SOX5: variants seen among roughly 807,000 people sequenced by gnomAD.
SOX5 encodes the protein transcription factor SOX-5.
A neutral mutation model predicts 92.0 loss-of-function variants in SOX5; 9 were observed. That is an observed-to-expected ratio of 0.10 (90% CI 0.06 to 0.17). SOX5 has a LOEUF of 0.17. Ranked by LOEUF, SOX5 falls within the 10% of genes least tolerant of loss-of-function variation. The pLI is 1.00. For missense variants in SOX5, 642 were observed against 944.5 expected (o/e 0.68, Z 4.20); for synonymous variants, 344 against 336.3 (o/e 1.02, Z -0.25).
chr12:24,476,892 G>A (rs149812992), intron 1 of SOX5, among the ~76,000 whole-genome samples: 71 of 150,692 alleles, frequency 4.7e-4, no homozygotes, highest in African/African-American at 1.1e-3. Context: ...GCTGAGCATC[G>A]TGGTTCACAC....
chr12:24,031,113 C>A (rs1955456981), intron 4 of SOX5, among the ~76,000 whole-genome samples: 1 of 151,208 alleles, frequency 6.6e-6, no homozygotes, highest in Admixed American at 6.6e-5. Flanking sequence ...ATTGGAACAG[C>A]CATTATGGAA....
intron 4 of SOX5, among the ~76,000 whole-genome samples, chr12:24,157,842 G>A (rs1283360433): frequency 6.6e-6 from 1 of 152,020 alleles, no homozygotes; most frequent in African/African-American, 2.4e-5. Flanking sequence ...CGCCGCACAT[G>A]GGCTTCTGCC....
chr12:23,657,354 A>T lies in SOX5; in HGVS notation c.931+8090T>A, dbSNP rs189632075. 3.9e-5 allele frequency among the ~76,000 whole-genome samples: 6 copies of T among 152,292 alleles called. No individual in the cohort carries two copies. In the East Asian group the frequency reaches 1.2e-3, roughly 29 times the overall value. On this transcript the variant is annotated intron_variant, in intron 7 of 14. Transcript: ENST00000451604. Reference sequence around the variant, plus strand: ...AGCAGCTAAACCTGTATCCAAATTAATGCAGCATCCTATTCCACATGACAT... The same window carrying T: ...AGCAGCTAAACCTGTATCCAAATTATTGCAGCATCCTATTCCACATGACAT...
At chr12:24,032,712 G>T (rs892152159) in intron 4 of SOX5, among the ~76,000 whole-genome samples, 1 of 151,828 alleles carries the variant, frequency 6.6e-6, no homozygotes, top group Non-Finnish European at 1.5e-5. Context: ...GGAAATATAA[G>T]TGAAAGAGAA....
At chr12:24,188,548 T>C (rs1956228992) in intron 4 of SOX5, among the ~76,000 whole-genome samples, 1 of 152,076 alleles carries the variant, frequency 6.6e-6, no homozygotes, top group African/African-American at 2.4e-5. Flanking sequence ...TGTAGAAATA[T>C]GGACAATAGT....
At chr12:24,206,388 C>G (rs1309263636) in intron 4 of SOX5, among the ~76,000 whole-genome samples, 3 of 152,170 alleles carry the variant, frequency 2.0e-5, no homozygotes, top group Non-Finnish European at 4.4e-5. Context: ...GGCAGTTTGA[C>G]TCCTATTCCT....
chr12:23,551,713 C>T (rs1358817845), intron 11 of SOX5, among the ~76,000 whole-genome samples: 1 of 151,730 alleles, frequency 6.6e-6, no homozygotes, highest in Non-Finnish European at 1.5e-5. Context: ...GAGATATGAA[C>T]TCAGGGGATG....
chr12:23,817,556 G>C (rs993364617), intron 3 of SOX5, among the ~76,000 whole-genome samples: 1 of 152,198 alleles, frequency 6.6e-6, no homozygotes, highest in Non-Finnish European at 1.5e-5. Context: ...GCGTCATAGA[G>C]AGATAGATCC....
At chr12:24,038,728 T>G (rs937993705) in intron 4 of SOX5, among the ~76,000 whole-genome samples, 5 of 152,176 alleles carry the variant, frequency 3.3e-5, no homozygotes, top group African/African-American at 1.2e-4. Context: ...CCCTTTCAAC[T>G]TCGTATTATT....
intron 1 of SOX5, among the ~76,000 whole-genome samples, chr12:24,471,208 C>T (rs1225292737): frequency 6.6e-6 from 1 of 152,100 alleles, no homozygotes; most frequent in Non-Finnish European, 1.5e-5. Context: ...GTATCCCCTT[C>T]TTTCCTTTTA....
At chr12:24,056,899 C>T (rs1298143534) in intron 4 of SOX5, among the ~76,000 whole-genome samples, 4 of 137,186 alleles carry the variant, frequency 2.9e-5, no homozygotes, top group South Asian at 2.4e-4. Context: ...GGCGTGAACC[C>T]GGGAGGCGGA....
intron 4 of SOX5, among the ~76,000 whole-genome samples, chr12:24,166,990 A>G (rs534819657): frequency 9.8e-5 from 15 of 152,348 alleles, no homozygotes; most frequent in Admixed American, 7.8e-4. Flanking sequence ...GAGTGAATAC[A>G]AAAGAGGAAA....
chr12:24,424,809 G>GT (rs934548206), intron 1 of SOX5, among the ~76,000 whole-genome samples: 6 of 128,332 alleles, frequency 4.7e-5, no homozygotes, highest in Admixed American at 7.9e-5. Flanking sequence ...TTTTTTTTTT[G>GT]GGGGGGGGGG....
chr12:23,917,741 T>C (rs556858156), intron 1 of SOX5, among the ~76,000 whole-genome samples: 1 of 152,246 alleles, frequency 6.6e-6, no homozygotes, highest in South Asian at 2.1e-4. Flanking sequence ...AGTCGACCTT[T>C]CTGGTTCCTC....
chr12:23,857,466 A>G (rs1265389625), intron 2 of SOX5, among the ~76,000 whole-genome samples: 1 of 152,218 alleles, frequency 6.6e-6, no homozygotes, highest in African/African-American at 2.4e-5. Flanking sequence ...TCTATCTGTC[A>G]TCTGTGATTA....
intron 9 of SOX5, among the ~76,000 whole-genome samples, chr12:23,590,590 A>G (rs891833931): frequency 5.3e-5 from 8 of 152,010 alleles, no homozygotes; most frequent in African/African-American, 1.9e-4. Context: ...TATTCTTTGA[A>G]TAGCACTTAG....
At chr12:24,531,365 T>G (rs1162807749) in intron 1 of SOX5, among the ~76,000 whole-genome samples, 4 of 152,188 alleles carry the variant, frequency 2.6e-5, no homozygotes, top group African/African-American at 9.7e-5. Flanking sequence ...AAAGACCCTG[T>G]GCATTTTTCA....
rs1428491625 is a variant in SOX5, at chr12:23,749,007, A to G, written c.568+6631T>C. On this transcript the variant is annotated intron_variant, in intron 4 of 14. Coordinates refer to ENST00000451604, the MANE Select transcript of SOX5 (RefSeq NM_006940.6). ...ATAAACTGAAAATAACATGAATAAA[A>G]ACTAAGTTAGTCTAAATTTATAATG... 2.0e-5 allele frequency among the ~76,000 whole-genome samples: 3 copies of G among 152,040 alleles called. No homozygotes were observed. The East Asian group carries it at 5.8e-4, about 29-fold the overall frequency.
intron 1 of SOX5, among the ~76,000 whole-genome samples, chr12:24,480,803 G>A (rs1001117237): frequency 1.2e-4 from 18 of 152,044 alleles, no homozygotes; most frequent in Middle Eastern, 3.4e-3. Context: ...ATACTCTCTC[G>A]GTGGGAATGT....
Sources: gnomAD v4.1 joint callset for allele counts (sites outside exome capture counted in the v4.1 genomes callset) on GRCh38, gnomAD v4.1.1 for gene constraint, MANE v1.5 for transcripts, NCBI Gene and HGNC (gene_info 2026-07-23, HGNC 2026-07-21) for gene names.